The following KAZN variants were observed in gnomAD, a reference collection of about 807,000 sequenced individuals.
The protein encoded by KAZN is kazrin.
Under a neutral mutation model 87.4 loss-of-function variants are expected in KAZN, and 40 were observed. The ratio of observed to expected loss-of-function variants is 0.46; its 90% confidence interval spans 0.36 to 0.60. The LOEUF is 0.60. Ranked by LOEUF, KAZN falls within the 20% of genes least tolerant of loss-of-function variation. The pLI is 0.00. For synonymous variants in KAZN, 466 were observed against 458.3 expected, an observed-to-expected ratio of 1.02 and a Z score of -0.22; for missense variants, 898 against 1,073.9, an observed-to-expected ratio of 0.84 and a Z score of 2.29.
chr1:14,457,788 T>G (rs931895032), intron 2 of KAZN, among the ~76,000 whole-genome samples: 1 of 152,020 alleles, frequency 6.6e-6, no homozygotes, highest in African/African-American at 2.4e-5. Context: ...TTCATGGAAG[T>G]GTAGAATATT....
intron 1 of KAZN, among the ~76,000 whole-genome samples, chr1:13,975,737 G>A (rs894420884): frequency 6.6e-6 from 1 of 152,124 alleles, no homozygotes; most frequent in East Asian, 1.9e-4. Flanking sequence ...TGAACTAGTC[G>A]GGAACACGAG....
At chr1:13,948,373 G>GTT (rs1381485443) in intron 1 of KAZN, among the ~76,000 whole-genome samples, 3 of 152,174 alleles carry the variant, frequency 2.0e-5, no homozygotes, top group Non-Finnish European at 4.4e-5. Flanking sequence ...AGATCTGATG[G>GTT]TTTTATAAGG....
intron 8 of KAZN, among the ~76,000 whole-genome samples, chr1:15,086,890 A>T (rs1033269310): frequency 1.3e-5 from 2 of 152,250 alleles, no homozygotes; most frequent in African/African-American, 4.8e-5. Context: ...AATACCTCAG[A>T]ATTATCTGGT....
chr1:14,253,242 TATTACG>T (rs1162814651), intron 2 of KAZN, among the ~76,000 whole-genome samples: 1 of 152,130 alleles, frequency 6.6e-6, no homozygotes, highest in Non-Finnish European at 1.5e-5. Context: ...TCTGCCATAT[TATTACG>T]ATTATAATAG....
chr1:14,459,226 A>G (rs905300185), intron 2 of KAZN, among the ~76,000 whole-genome samples: 1 of 151,596 alleles, frequency 6.6e-6, no homozygotes, highest in East Asian at 1.9e-4. Flanking sequence ...CTGGCCTAGG[A>G]GTTAAGATTC....
intron 8 of KAZN, among the ~76,000 whole-genome samples, chr1:15,078,976 C>T (rs1007665317): frequency 3.3e-5 from 5 of 152,180 alleles, no homozygotes; most frequent in East Asian, 1.9e-4. Context: ...TAGTGAAAGC[C>T]GCTCACCACT....
chr1:14,229,156 G>T (rs1439154537), intron 2 of KAZN, among the ~76,000 whole-genome samples: 1 of 152,144 alleles, frequency 6.6e-6, no homozygotes, highest in Non-Finnish European at 1.5e-5. Context: ...ATTGCACCAC[G>T]AACGGCAAAA....
At chr1:15,065,564 C>A in intron 7 of KAZN, 66 bp from the exon 8 acceptor site, 1 of 1,393,814 alleles carries the variant, frequency 7.2e-7, no homozygotes, top group Non-Finnish European at 1.0e-6. Context: ...CTGCAGTCTG[C>A]ACCCCAGCTA....
intron 2 of KAZN, among the ~76,000 whole-genome samples, chr1:14,592,831 C>T (rs1161440196): frequency 6.6e-6 from 1 of 152,182 alleles, no homozygotes; most frequent in Non-Finnish European, 1.5e-5. Flanking sequence ...CACCTTGTCC[C>T]ACGTACGGAT....
chr1:14,012,823 T>A (rs1640377379), intron 1 of KAZN, among the ~76,000 whole-genome samples: 1 of 152,228 alleles, frequency 6.6e-6, no homozygotes, highest in Non-Finnish European at 1.5e-5. Flanking sequence ...AGAGAGAACC[T>A]GTCTCAAAAC....
chr1:14,336,713 T>C (rs1241034797), intron 2 of KAZN, among the ~76,000 whole-genome samples: 2 of 152,240 alleles, frequency 1.3e-5, no homozygotes, highest in Non-Finnish European at 2.9e-5. Context: ...ACTAATGATG[T>C]TGACTATCTT....
intron 1 of KAZN, among the ~76,000 whole-genome samples, chr1:14,608,920 G>T (rs1572039035): frequency 6.6e-6 from 1 of 152,050 alleles, no homozygotes; most frequent in African/African-American, 2.4e-5. Context: ...AACACAGTGG[G>T]ATTAATGTCA....
intron 2 of KAZN, among the ~76,000 whole-genome samples, chr1:14,968,632 C>T (rs977256608): frequency 6.6e-6 from 1 of 152,110 alleles, no homozygotes; most frequent in Non-Finnish European, 1.5e-5. Context: ...GCAGCCAGCA[C>T]GGGGCGGGTG....
intron 1 of KAZN, among the ~76,000 whole-genome samples, chr1:14,795,116 T>C (rs1645791127): frequency 6.6e-6 from 1 of 152,146 alleles, no homozygotes; most frequent in Non-Finnish European, 1.5e-5. Flanking sequence ...TTGGACTGGC[T>C]TTCTTGCTCC....
chr1:14,108,208 C>A (rs1158443790), intron 1 of KAZN, among the ~76,000 whole-genome samples: 1 of 152,006 alleles, frequency 6.6e-6, no homozygotes, highest in Non-Finnish European at 1.5e-5. Flanking sequence ...ACCTTCAGGT[C>A]TTTGCTTGAA....
At chr1:14,543,159 A>G (rs1672921182) in intron 2 of KAZN, among the ~76,000 whole-genome samples, 1 of 152,204 alleles carries the variant, frequency 6.6e-6, no homozygotes, top group South Asian at 2.1e-4. Flanking sequence ...CTGTGTCATA[A>G]TGTACTTTAA....
chr1:14,084,649 A>G (rs1643796722), intron 1 of KAZN, among the ~76,000 whole-genome samples: 1 of 150,708 alleles, frequency 6.6e-6, no homozygotes, highest in Non-Finnish European at 1.5e-5. Context: ...AACTTTAAAA[A>G]AAAAGTAAAA....
intron 14 of KAZN, chr1:15,113,433 A>G (rs902888017): frequency 6.6e-6 from 1 of 152,148 alleles, no homozygotes; most frequent in East Asian, 1.9e-4. Flanking sequence ...CTCCTTAGGG[A>G]GCAATAATAA....
At chr1:15,088,130 T>C (rs1640352747) in intron 8 of KAZN, among the ~76,000 whole-genome samples, 1 of 152,236 alleles carries the variant, frequency 6.6e-6, no homozygotes, top group African/African-American at 2.4e-5. Context: ...TTAGGCTTTG[T>C]GGGCCTGTCT....
Sources: gnomAD v4.1 joint callset for allele counts (sites outside exome capture counted in the v4.1 genomes callset) on GRCh38, gnomAD v4.1.1 for gene constraint, MANE v1.5 for transcripts, NCBI Gene and HGNC (gene_info 2026-07-23, HGNC 2026-07-21) for gene names.